The following PADI1 variants were observed in gnomAD, a reference collection of about 807,000 sequenced individuals.
The protein encoded by PADI1 is protein-arginine deiminase type-1.
PADI1 carries 65 observed loss-of-function variants against 74.8 expected under a neutral mutation model. The observed-to-expected ratio is 0.87, with a 90% confidence interval of 0.71 to 1.07. PADI1 has a LOEUF of 1.07. Ranked by LOEUF, PADI1 falls within the 50% of genes least tolerant of loss-of-function variation. The probability of loss-of-function intolerance (pLI) is 0.00; values close to 1 mark genes in which losing one functional copy is unlikely to be tolerated. For missense variants in PADI1, 943 were observed against 854.0 expected (o/e 1.10, Z -1.30); for synonymous variants, 371 against 336.2 (o/e 1.10, Z -1.13).
intron 2 of PADI1, 119 bp from the exon 3 acceptor site, chr1:17,223,502 G>C: frequency 1.3e-6 from 1 of 768,454 alleles, no homozygotes; most frequent in South Asian, 1.5e-5. Flanking sequence ...TCAGAGACTG[G>C]GGGGGTCTCC....
chr1:17,227,031 A>T (rs183758247), intron 6 of PADI1, among the ~76,000 whole-genome samples: 7,168 of 126,756 alleles, frequency 0.057, 190 homozygotes, highest in Middle Eastern at 0.074. Flanking sequence ...GACTCTGTCT[A>T]AAAAAAAAAA....
intron 11 of PADI1, among the ~76,000 whole-genome samples, chr1:17,236,433 C>T (rs1273314320): frequency 6.6e-6 from 1 of 152,140 alleles, no homozygotes; most frequent in African/African-American, 2.4e-5. Flanking sequence ...TGCTGAGAGT[C>T]TGCTGTTTAA....
At chr1:17,223,755 G>T in intron 3 of PADI1, 62 bp downstream of exon 3, 1 of 1,355,196 alleles carries the variant, frequency 7.4e-7, no homozygotes, top group Non-Finnish European at 1.0e-6. Flanking sequence ...ACTGTTTGAG[G>T]GTCTTAGTGG....
At position 17,244,387 on chromosome 1, in the gene PADI1, C is replaced by T. The variant is rs1557489197; in HGVS notation, c.*144C>T. The stretch of plus-strand genomic sequence containing the variant: ...CCTGGCCACCATGGGCACCAGGACA[C>T]AGGGATGGATACCACCTACCCTCGC... On this transcript the variant is annotated 3_prime_UTR_variant, in exon 16 of 16. Coordinates refer to ENST00000375471, the MANE Select transcript of PADI1 (RefSeq NM_013358.3). 5.6e-6 allele frequency: 4 copies of T among 717,308 alleles called. No individual in the cohort carries two copies. The highest frequency in any genetic ancestry group is 1.0e-5 in the Non-Finnish European group (4 of 395,670). The allele number at this position is 717,308 out of a possible 1,614,324, so 44.4% of individuals were successfully genotyped here. A position where few individuals can be genotyped will look rare whatever the true frequency, so the allele number is the denominator to read the frequency against.
At chr1:17,239,682 T>C (rs751655875) in intron 13 of PADI1, 22 bp from the exon 14 acceptor site, 1 of 1,594,854 alleles carries the variant, frequency 6.3e-7, no homozygotes, top group Non-Finnish European at 8.6e-7. Context: ...CTGAGCTATG[T>C]ACTGTCTTTC....
intron 1 of PADI1, among the ~76,000 whole-genome samples, chr1:17,212,117 G>A (rs750565131): frequency 2.0e-4 from 31 of 152,200 alleles, no homozygotes; most frequent in African/African-American, 6.0e-4. Flanking sequence ...CCAGTACCCC[G>A]GGACTATCAG....
chr1:17,206,271 G>C (rs1005686606), intron 1 of PADI1, among the ~76,000 whole-genome samples: 7 of 152,210 alleles, frequency 4.6e-5, no homozygotes, highest in African/African-American at 1.7e-4. Flanking sequence ...CCCTGTACCT[G>C]CTGGTCTGGT....
chr1:17,236,608 G>A (rs918375999), intron 11 of PADI1, among the ~76,000 whole-genome samples: 2 of 152,110 alleles, frequency 1.3e-5, no homozygotes, highest in East Asian at 3.9e-4. Flanking sequence ...ACAAAAATTA[G>A]CCGTGCGTGG....
At position 17,244,858 on chromosome 1, in the gene PADI1, A is replaced by T. The variant is rs1428102921; in HGVS notation, c.*615A>T. The T allele has an allele frequency of 5.9e-6, 1 of 168,934 alleles. No individual in the cohort carries two copies. Among genetic ancestry groups the T allele is most frequent in the Non-Finnish European group, 1.3e-5 (1 of 78,046 alleles). The allele number at this position is 168,934 out of a possible 1,614,324, so 10.5% of individuals were successfully genotyped here. A position where few individuals can be genotyped will look rare whatever the true frequency, so the allele number is the denominator to read the frequency against. On this transcript the variant is annotated 3_prime_UTR_variant, in exon 16 of 16. Coordinates refer to ENST00000375471, the MANE Select transcript of PADI1 (RefSeq NM_013358.3). ...TCCAAGGGCCAATTTAAATAGAAAA[A>T]AAGACAACAAAATTTTAATAGCTGA...
At chr1:17,228,435 C>A (rs1026609240) in intron 6 of PADI1, among the ~76,000 whole-genome samples, 190 bp from the exon 7 acceptor site, 2 of 152,198 alleles carry the variant, frequency 1.3e-5, no homozygotes, top group East Asian at 3.8e-4. Flanking sequence ...AAATGTTAGC[C>A]ATTTTACAGA....
chr1:17,226,814 C>T (rs181676272), intron 6 of PADI1, among the ~76,000 whole-genome samples: 63 of 152,036 alleles, frequency 4.1e-4, no homozygotes, highest in African/African-American at 1.2e-3. Context: ...CTTTGAGAGG[C>T]CGAGGAGGGT....
At chr1:17,214,700 C>G (rs2071928352) in intron 1 of PADI1, among the ~76,000 whole-genome samples, 1 of 152,194 alleles carries the variant, frequency 6.6e-6, no homozygotes, top group Non-Finnish European at 1.5e-5. Flanking sequence ...TGCAGGGTGG[C>G]CTGGGGCTCC....
intron 12 of PADI1, among the ~76,000 whole-genome samples, chr1:17,238,404 A>G (rs1426618286): frequency 3.3e-5 from 5 of 152,244 alleles, no homozygotes; most frequent in Middle Eastern, 3.2e-3. Context: ...AAGGGCGTCC[A>G]GGGAGGGAGA....
chr1:17,206,167 G>A (rs1258213617), intron 1 of PADI1, among the ~76,000 whole-genome samples: 1 of 152,198 alleles, frequency 6.6e-6, no homozygotes, highest in Admixed American at 6.5e-5. Context: ...CAGATAGGGG[G>A]CTCGTGGTGG....
rs1442868770 is a variant in PADI1, at chr1:17,222,532, C to T, written c.273+62C>T. The stretch of plus-strand genomic sequence containing the variant: ...TCTCCACCCCCATCCAAGGTAAGAG[C>T]CCCACATTGGCAATTCCCATTCCAA... On this transcript the variant is annotated intron_variant, in intron 2 of 15. Coordinates refer to ENST00000375471, the MANE Select transcript of PADI1 (RefSeq NM_013358.3). The T allele has an allele frequency of 3.8e-6, 5 of 1,307,306 alleles. No homozygotes were observed. In the African/African-American group the frequency reaches 4.4e-5, roughly 11 times the overall value. 81.0% of individuals were successfully genotyped at this position (1,307,306 alleles called of 1,614,324 possible).
chr1:17,229,372 G>A (rs1016058017), intron 8 of PADI1, among the ~76,000 whole-genome samples: 1 of 152,230 alleles, frequency 6.6e-6, no homozygotes, highest in Non-Finnish European at 1.5e-5. Context: ...ACAGGCTGCT[G>A]GTGGCCATCG....
intron 6 of PADI1, among the ~76,000 whole-genome samples, chr1:17,227,881 A>G (rs1421281501): frequency 6.6e-6 from 1 of 152,232 alleles, no homozygotes; most frequent in Non-Finnish European, 1.5e-5. Context: ...TGTATCTCTG[A>G]AATTCCCTAT....
rs370886794 is a variant in PADI1 at position 17,229,054 on chromosome 1, G to A, written c.929+3G>A. Reference sequence around the variant, plus strand: ...CCTGAGGAGCTGTATGTGTGCAGGTGAGGCTCCCTCCCTCCAGCCCTCCCC... The same window carrying A: ...CCTGAGGAGCTGTATGTGTGCAGGTAAGGCTCCCTCCCTCCAGCCCTCCCC... On this transcript the variant is annotated splice_donor_region_variant and intron_variant, in intron 8 of 15. Transcript: ENST00000375471. The A allele has an allele frequency of 1.8e-5, 27 of 1,541,242 alleles. No homozygotes were observed. Among genetic ancestry groups the A allele is most frequent in the Non-Finnish European group, 2.3e-5 (26 of 1,134,692 alleles).
At chr1:17,241,144 C>A (rs1242492998) in intron 15 of PADI1, among the ~76,000 whole-genome samples, 1 of 152,228 alleles carries the variant, frequency 6.6e-6, no homozygotes, top group African/African-American at 2.4e-5. Context: ...CTGCTGTGTT[C>A]CCCACCACAG....
Sources: gnomAD v4.1 joint callset for allele counts (sites outside exome capture counted in the v4.1 genomes callset) on GRCh38, gnomAD v4.1.1 for gene constraint, MANE v1.5 for transcripts, NCBI Gene and HGNC (gene_info 2026-07-23, HGNC 2026-07-21) for gene names.